Variants in SPA17 observed in about 807,000 individuals in gnomAD.
SPA17 encodes the protein sperm autoantigenic protein 17, also known as sperm surface protein Sp17.
SPA17 carries 7 observed loss-of-function variants against 13.8 expected under a neutral mutation model. That is an observed-to-expected ratio of 0.51 (90% confidence interval 0.29 to 0.95). The LOEUF is 0.95. Among genes scored for constraint, SPA17 ranks in the 40% least tolerant of loss-of-function variants. The pLI is 0.08. For synonymous variants in SPA17, 61 were observed against 59.0 expected (o/e 1.03, Z -0.16); for missense variants, 170 against 179.3 (o/e 0.95, Z 0.30).
intron 3 of SPA17, among the ~76,000 whole-genome samples, chr11:124,690,914 G>A (rs1943618019): frequency 6.6e-6 from 1 of 152,164 alleles, no homozygotes; most frequent in Non-Finnish European, 1.5e-5. Context: ...AGGTATGGGT[G>A]TGTTCTGTGT....
chr11:124,680,530 T>C (rs892961768), intron 2 of SPA17, among the ~76,000 whole-genome samples: 1 of 152,222 alleles, frequency 6.6e-6, no homozygotes, highest in Non-Finnish European at 1.5e-5. Context: ...AAGAGCTGTG[T>C]GTGCCCGTTT....
intron 2 of SPA17, among the ~76,000 whole-genome samples, chr11:124,680,326 A>G (rs1300208899): frequency 2.0e-5 from 3 of 152,196 alleles, no homozygotes; most frequent in African/African-American, 4.8e-5. Context: ...GATCAAACCT[A>G]TACAGCTAGC....
chr11:124,684,677 A>G (rs74578997), intron 3 of SPA17, among the ~76,000 whole-genome samples: 8,747 of 152,270 alleles, frequency 0.057, 593 homozygotes, highest in African/African-American at 0.16. Context: ...TCAGAAGACA[A>G]GAAGATGTTG....
intron 3 of SPA17, among the ~76,000 whole-genome samples, chr11:124,681,782 G>A (rs1943533014): frequency 6.6e-6 from 1 of 151,918 alleles, no homozygotes; most frequent in East Asian, 1.9e-4. Context: ...ACAGGAAGAA[G>A]GTGCTTAAAA....
At chr11:124,685,746 CAAAG>C (rs962311872) in intron 3 of SPA17, among the ~76,000 whole-genome samples, 65 of 152,294 alleles carry the variant, frequency 4.3e-4, no homozygotes, top group African/African-American at 1.5e-3. Context: ...GACATGGACT[CAAAG>C]AAGATCATTT....
rs1174753501 is a variant in SPA17 at position 124,691,685 on chromosome 11, T to TA, written c.226-10dup. ...AACATTGCTAATTGTGGCTCTCTCC[T>TA]ATCTGTCCAGGAGCAAGAACCACCT... is the stretch of plus-strand genomic sequence containing the variant. On this transcript the variant is annotated splice_polypyrimidine_tract_variant and intron_variant, in intron 3 of 4. Transcript: ENST00000227135. 2 of 1,591,984 alleles carry TA rather than the reference T, an allele frequency of 1.3e-6. No homozygotes were observed. Among genetic ancestry groups the TA allele is most frequent in the South Asian group, 1.1e-5 (1 of 87,298 alleles).
chr11:124,688,205 C>A (rs528052951), intron 3 of SPA17, among the ~76,000 whole-genome samples: 11 of 152,250 alleles, frequency 7.2e-5, no homozygotes, highest in Admixed American at 1.3e-4. Flanking sequence ...TAAAAACGGG[C>A]TTTTGCTATG....
chr11:124,680,670 T>C (rs1943519607), intron 2 of SPA17, among the ~76,000 whole-genome samples: 1 of 152,180 alleles, frequency 6.6e-6, no homozygotes, highest in Admixed American at 6.5e-5. Context: ...GGTGGTGTGG[T>C]TATATTTTAA....
chr11:124,692,074 A>T (rs920211669), intron 4 of SPA17, among the ~76,000 whole-genome samples: 2 of 152,142 alleles, frequency 1.3e-5, no homozygotes. Context: ...CCCAGTCATG[A>T]TCCTTCAGAT....
Position 124,696,402 on chromosome 11 carries a change from G to GA in SPA17, c.*1968dup, listed in dbSNP as rs34955804. On this transcript the variant is annotated 3_prime_UTR_variant, in exon 5 of 5. Transcript: ENST00000227135. ...TTTTTCCCTAGTGAGTATATAGCAG[G>GA]AAAAAAAAAAAAGATGAGTTAGCTT... The GA allele has an allele frequency of 1.3e-3, 183 of 140,554 alleles. No homozygotes were observed. The highest frequency in any genetic ancestry group is 1.5e-3 in the Admixed American group (21 of 14,060). 8.7% of individuals were successfully genotyped at this position (140,554 alleles called of 1,614,324 possible). A position where few individuals can be genotyped will look rare whatever the true frequency, so the allele number is the denominator to read the frequency against.
rs536949237 is a variant in SPA17, at chr11:124,695,644, T to C, written c.*1198T>C. 1.9e-4 allele frequency: 29 copies of C among 152,306 alleles called. No homozygotes were observed. Among genetic ancestry groups the C allele is most frequent in the African/African-American group, 7.0e-4 (29 of 41,552 alleles). 9.4% of individuals were successfully genotyped at this position (152,306 alleles called of 1,614,324 possible). ...ATGCTGTTGCCTTCTACCATAATGT[T>C]GTAGCATAGTCCAGCAGACTGAGGT... On this transcript the variant is annotated 3_prime_UTR_variant, in exon 5 of 5. Transcript: ENST00000227135.
intron 1 of SPA17, chr11:124,674,306 G>A (rs1453759980): frequency 3.3e-5 from 5 of 152,432 alleles, no homozygotes; most frequent in African/African-American, 9.7e-5. Flanking sequence ...GGGAGGCTGA[G>A]GCGGGATCAT....
chr11:124,675,424 C>G lies in SPA17; in HGVS notation c.154+6C>G. The G allele has an allele frequency of 6.2e-7, 1 of 1,600,924 alleles. No individual in the cohort carries two copies. Among genetic ancestry groups the G allele is most frequent in the Non-Finnish European group, 8.5e-7 (1 of 1,176,636 alleles). On this transcript the variant is annotated splice_donor_region_variant and intron_variant, in intron 2 of 4. Coordinates refer to ENST00000227135, the MANE Select transcript of SPA17 (RefSeq NM_017425.4). ...CCTTCTAGAGAAAAGAGAGAGTAAG[C>G]TTTCTAAAATTAGTCATTTTTTAAA...
Position 124,696,194 on chromosome 11 carries a change from A to C in SPA17, c.*1748A>C, listed in dbSNP as rs1230986282. On this transcript the variant is annotated 3_prime_UTR_variant, in exon 5 of 5. Coordinates refer to ENST00000227135, the MANE Select transcript of SPA17 (RefSeq NM_017425.4). ...TCCTCCAGGCTTACAGAGGAAAAGA[A>C]ATCAGTTCTCCTCCAGGATTCCAGC... The C allele has an allele frequency of 3.3e-5, 5 of 152,290 alleles. No homozygotes were observed. The highest frequency in any genetic ancestry group is 5.9e-5 in the Non-Finnish European group (4 of 68,136). The allele number at this position is 152,290 out of a possible 1,614,324, so 9.4% of individuals were successfully genotyped here.
chr11:124,686,824 A>G (rs1420922261), intron 3 of SPA17, among the ~76,000 whole-genome samples: 2 of 152,216 alleles, frequency 1.3e-5, no homozygotes, highest in Non-Finnish European at 2.9e-5. Context: ...GTTGATAGCA[A>G]TAAATGCCTA....
chr11:124,675,543 A>G, intron 2 of SPA17, 125 bp downstream of exon 2: 2 of 1,020,486 alleles, frequency 2.0e-6, no homozygotes, highest in South Asian at 1.7e-5. Context: ...TTCAGATAAC[A>G]GTTCTTGCTC....
chr11:124,683,661 G>A (rs1943548040), intron 3 of SPA17, among the ~76,000 whole-genome samples: 1 of 151,444 alleles, frequency 6.6e-6, no homozygotes, highest in African/African-American at 2.4e-5. Context: ...GAAACCAAAA[G>A]CAAGCAGAAG....
At chr11:124,686,561 C>A (rs1943580822) in intron 3 of SPA17, among the ~76,000 whole-genome samples, 2 of 152,118 alleles carry the variant, frequency 1.3e-5, no homozygotes, top group African/African-American at 2.4e-5. Context: ...CAAGTCTCAA[C>A]AAATTTTAAA....
chr11:124,685,502 C>T (rs1038097586), intron 3 of SPA17, among the ~76,000 whole-genome samples: 27 of 152,320 alleles, frequency 1.8e-4, no homozygotes, highest in African/African-American at 5.8e-4. Flanking sequence ...AATGTGAGGT[C>T]GGAGCCCACA....
Sources: allele counts gnomAD v4.1 joint callset (sites outside exome capture counted in the v4.1 genomes callset), GRCh38; gene constraint gnomAD v4.1.1; transcripts MANE v1.5; gene names NCBI Gene and HGNC (gene_info 2026-07-23, HGNC 2026-07-21).